Variants in ADD2 observed in about 807,000 individuals in gnomAD.
The protein encoded by ADD2 is adducin 2, also known as beta-adducin.
Under a neutral mutation model 83.0 loss-of-function variants are expected in ADD2, and 23 were observed. The ratio of observed to expected loss-of-function variants is 0.28; its 90% CI spans 0.20 to 0.39. The LOEUF is 0.39. ADD2 is among the 10% of genes least tolerant of loss of function. ADD2 has a pLI of 1.00. For synonymous variants in ADD2, 375 were observed against 375.4 expected (o/e 1.00, Z 0.01); for missense variants, 758 against 944.9 (o/e 0.80, Z 2.59).
intron 4 of ADD2, among the ~76,000 whole-genome samples, chr2:70,702,625 C>A (rs1287763491): frequency 2.0e-5 from 3 of 151,060 alleles, no homozygotes; most frequent in Admixed American, 1.3e-4. Flanking sequence ...CAATGGTTTC[C>A]GCTACACAGA....
At chr2:70,748,762 A>G (rs1278435433) in intron 1 of ADD2, among the ~76,000 whole-genome samples, 2 of 152,182 alleles carry the variant, frequency 1.3e-5, no homozygotes, top group African/African-American at 4.8e-5. Flanking sequence ...TGTGGCAGCT[A>G]TATGTCCAAA....
chr2:70,732,425 T>C (rs1381764205), intron 1 of ADD2, among the ~76,000 whole-genome samples: 12 of 152,222 alleles, frequency 7.9e-5, no homozygotes, highest in African/African-American at 2.2e-4. Context: ...ATCACATATA[T>C]ATGAAGTAGA....
At chr2:70,741,641 T>A (rs180725498) in intron 1 of ADD2, among the ~76,000 whole-genome samples, 133 of 152,336 alleles carry the variant, frequency 8.7e-4, no homozygotes, top group African/African-American at 3.1e-3. Flanking sequence ...GGAAGAAGCA[T>A]GTTAAAGCCT....
rs1553374632 is a variant in ADD2, at chr2:70,706,906, G to A, written c.-34-464C>T. ...TAATGCATGCTGGGCTTAACACCTAGGTAATGGGTTGATAGGCGCAGCAAA... is the reference window on the plus strand; with the variant it reads ...TAATGCATGCTGGGCTTAACACCTAAGTAATGGGTTGATAGGCGCAGCAAA... On this transcript the variant is annotated intron_variant, in intron 2 of 15. Transcript: ENST00000264436. This position sits in a 1 kb window ranked among gnomAD's most constrained non-coding sequence, Gnocchi z 5.0. 2.6e-5 allele frequency among the ~76,000 whole-genome samples: 4 copies of A among 152,158 alleles called. No individual in the cohort carries two copies. Among genetic ancestry groups the A allele is most frequent in the Admixed American group, 2.0e-4 (3 of 15,284 alleles).
chr2:70,708,909 A>G (rs1460232296), intron 2 of ADD2, among the ~76,000 whole-genome samples: 2 of 152,162 alleles, frequency 1.3e-5, no homozygotes, highest in Admixed American at 1.3e-4. Context: ...TAACCAATCC[A>G]GTCATTTCTG....
rs782501951 is a variant in ADD2, at chr2:70,676,808, C to G, written c.1581G>C (p.Lys527Asn). ...SQLLASVIAE[K>N]SRSPSTESQL... ...GCCTCTGCTCTACCGGGCTTCGGCT[C>G]TTCTCGGCAATGACGCTCGCCAGGA... The change falls in exon 13 of 16, where the codon AAG becomes AAC. Residue 527 changes from lysine (K) to asparagine (N), a missense_variant. Around this residue, in one of 5 missense-constraint regions of ADD2, gnomAD observed 394 missense variants for 509.3 expected, o/e 0.77. Transcript: ENST00000264436. The surrounding 1 kb of genome is among the most constrained non-coding windows in gnomAD (Gnocchi z 4.8). 28 of 1,614,110 alleles carry G rather than the reference C, an allele frequency of 1.7e-5. No individual in the cohort carries two copies. Among genetic ancestry groups the G allele is most frequent in the African/African-American group, 4.0e-5 (3 of 74,948 alleles).
intron 15 of ADD2, among the ~76,000 whole-genome samples, chr2:70,666,411 C>A (rs887577413): frequency 6.6e-6 from 1 of 152,206 alleles, no homozygotes; most frequent in Non-Finnish European, 1.5e-5. Flanking sequence ...TCTCCTGTAC[C>A]TATGCCCTGG....
At chr2:70,759,572 G>C (rs1209349156) in intron 1 of ADD2, among the ~76,000 whole-genome samples, 1 of 152,056 alleles carries the variant, frequency 6.6e-6, no homozygotes, top group African/African-American at 2.4e-5. Context: ...GCAGTAGTGA[G>C]TGAGTTCTCA....
intron 1 of ADD2, among the ~76,000 whole-genome samples, chr2:70,738,412 G>C (rs1425934961): frequency 1.4e-4 from 22 of 152,114 alleles, no homozygotes; most frequent in Admixed American, 3.9e-4. Context: ...GCATGAAGAG[G>C]GATTCATATA....
At chr2:70,711,096 A>G (rs1276161462) in intron 2 of ADD2, 1 of 152,226 alleles carries the variant, frequency 6.6e-6, no homozygotes, top group Non-Finnish European at 1.5e-5. Context: ...AGATAATGGG[A>G]ACAGGTCAAC....
At chr2:70,728,505 G>A (rs1553378717) in intron 1 of ADD2, among the ~76,000 whole-genome samples, 1 of 152,180 alleles carries the variant, frequency 6.6e-6, no homozygotes, top group Non-Finnish European at 1.5e-5. Context: ...TCGAGAAGAG[G>A]TGCACTAGGT....
intron 11 of ADD2, among the ~76,000 whole-genome samples, chr2:70,678,317 G>A (rs922551218): frequency 3.9e-5 from 6 of 152,320 alleles, no homozygotes; most frequent in South Asian, 2.1e-4. Flanking sequence ...TAACTTCATA[G>A]AAGTGGCTGT....
At chr2:70,697,829 C>G (rs1162334449) in intron 4 of ADD2, among the ~76,000 whole-genome samples, 1 of 152,184 alleles carries the variant, frequency 6.6e-6, no homozygotes, top group Non-Finnish European at 1.5e-5. Flanking sequence ...GCTGGGCCAA[C>G]ATCCAGCGAG....
chr2:70,695,605 G>T (rs1292453615), intron 6 of ADD2, 116 bp downstream of exon 6: 2 of 889,734 alleles, frequency 2.2e-6, no homozygotes, highest in African/African-American at 3.3e-5. Context: ...TGCCCTATCA[G>T]ATTGTGAGCT....
intron 1 of ADD2, among the ~76,000 whole-genome samples, chr2:70,736,753 C>A (rs868960743): frequency 2.0e-5 from 3 of 151,270 alleles, no homozygotes; most frequent in South Asian, 4.2e-4. Context: ...TAATGAGAAT[C>A]TATTTCTCCC....
At chr2:70,736,833 G>T (rs986130756) in intron 1 of ADD2, among the ~76,000 whole-genome samples, 1 of 151,058 alleles carries the variant, frequency 6.6e-6, no homozygotes, top group African/African-American at 2.4e-5. Context: ...GAGGTAAGCA[G>T]AATCATTAGT....
rs782733825 is a variant in ADD2, at chr2:70,658,971, C to T, written c.*4454G>A. The T allele has an allele frequency of 1.3e-5, 2 of 151,836 alleles. No homozygotes were observed. The highest frequency in any genetic ancestry group is 2.9e-5 in the Non-Finnish European group (2 of 67,920). 9.4% of individuals were successfully genotyped at this position (151,836 alleles called of 1,614,324 possible). On this transcript the variant is annotated 3_prime_UTR_variant, in exon 16 of 16. Coordinates refer to ENST00000264436, the MANE Select transcript of ADD2 (RefSeq NM_001617.4). ...CAGCCTGGCCAACATGGTGAAACCC[C>T]GTCTCTACTAAAAATACAAAAATTA...
Position 70,688,083 on chromosome 2 carries a change from C to A in ADD2, c.889G>T (p.Asp297Tyr). Reference sequence around the variant, plus strand: ...TTGTAAAATGCCTCCTCTACCGTGTCACCCAGAGCAACCACTCCATGGTTT... The same window carrying A: ...TTGTAAAATGCCTCCTCTACCGTGTAACCCAGAGCAACCACTCCATGGTTT... ...LRNHGVVALG[D>Y]TVEEAFYKIF... The change falls in exon 9 of 16, where the codon GAC becomes TAC. Residue 297 changes from aspartate to tyrosine, a missense_variant. This residue lies in a region of ADD2 where 394 missense variants were observed against 509.3 expected (regional missense o/e 0.77). Coordinates refer to ENST00000264436, the MANE Select transcript of ADD2 (RefSeq NM_001617.4). The A allele has an allele frequency of 3.7e-6, 6 of 1,614,194 alleles. No individual in the cohort carries two copies. The highest frequency in any genetic ancestry group is 1.1e-5 in the South Asian group (1 of 91,086).
At chr2:70,702,091 G>A (rs1553373565) in intron 4 of ADD2, among the ~76,000 whole-genome samples, 1 of 152,154 alleles carries the variant, frequency 6.6e-6, no homozygotes, top group Non-Finnish European at 1.5e-5. Context: ...TTCGTTTAAT[G>A]TAATCCCAAT....
Sources: allele counts gnomAD v4.1 joint callset (sites outside exome capture counted in the v4.1 genomes callset), GRCh38; gene constraint gnomAD v4.1.1; regional missense constraint gnomAD v4.1.1; non-coding constraint Gnocchi (gnomAD v3.1); transcripts MANE v1.5; gene names NCBI Gene and HGNC (gene_info 2026-07-23, HGNC 2026-07-21).